Variants in EPHB2 observed in about 807,000 individuals in gnomAD.
EPHB2 encodes ephrin type-B receptor 2.
In EPHB2, 18 loss-of-function variants were observed where a neutral mutation model predicts 96.4. The ratio of observed to expected loss-of-function variants is 0.19; its 90% CI spans 0.13 to 0.28. The LOEUF is 0.28. Among genes scored for constraint, EPHB2 ranks in the 10% least tolerant of loss-of-function variants. EPHB2 has a pLI of 1.00. For missense variants in EPHB2, 989 were observed against 1,355.4 expected, an observed-to-expected ratio of 0.73 and a Z score of 4.25; for synonymous variants, 506 against 534.1, an observed-to-expected ratio of 0.95 and a Z score of 0.72.
At chr1:22,770,691 G>A (rs973597274) in intron 1 of EPHB2, among the ~76,000 whole-genome samples, 3 of 152,184 alleles carry the variant, frequency 2.0e-5, no homozygotes, top group African/African-American at 7.2e-5. Flanking sequence ...CTGTGTACTC[G>A]CTGTGTGATG....
At chr1:22,806,659 A>C (rs76603191) in intron 3 of EPHB2, among the ~76,000 whole-genome samples, 7,532 of 152,304 alleles carry the variant, frequency 0.049, 269 homozygotes, top group Non-Finnish European at 0.07. Flanking sequence ...GGCAGGTGTT[A>C]GCTGTGCCCT....
intron 3 of EPHB2, among the ~76,000 whole-genome samples, chr1:22,793,004 C>T (rs535521180): frequency 6.6e-6 from 1 of 152,212 alleles, no homozygotes; most frequent in East Asian, 1.9e-4. Flanking sequence ...AAGAGTTAGG[C>T]AGGTGAGGAG....
At chr1:22,738,897 G>T (rs1359872625) in intron 1 of EPHB2, among the ~76,000 whole-genome samples, 1 of 152,184 alleles carries the variant, frequency 6.6e-6, no homozygotes, top group Admixed American at 6.5e-5. Context: ...TGGACCTGCA[G>T]CCCTGGGTCC....
rs903621869 is a variant in EPHB2, at chr1:22,909,048, A to C, written c.2379A>C (p.Thr793=). The C allele has an allele frequency of 1.9e-6, 3 of 1,614,088 alleles. No individual in the cohort carries two copies. The highest frequency in any genetic ancestry group is 2.5e-6 in the Non-Finnish European group (3 of 1,180,036). ...GCGGAAAGATCCCCATCCGCTGGAC[A>C]GCCCCGGAAGCCATCCAGTACCGGA... The part of the protein sequence containing the change: ...ALGGKIPIRW[T]APEAIQYRKF... Residue 793 remains threonine (T), a synonymous_variant, in exon 13 of 16, where the codon ACA becomes ACC. Coordinates refer to ENST00000374630, the MANE Select transcript of EPHB2 (RefSeq NM_017449.5).
chr1:22,874,880 CAT>C (rs1299969405), intron 5 of EPHB2, among the ~76,000 whole-genome samples: 1 of 152,080 alleles, frequency 6.6e-6, no homozygotes, highest in Non-Finnish European at 1.5e-5. Flanking sequence ...TAAGAACTAT[CAT>C]GTGAGAAAAG....
chr1:22,747,907 A>C (rs1644000258), intron 1 of EPHB2, among the ~76,000 whole-genome samples: 1 of 152,202 alleles, frequency 6.6e-6, no homozygotes. Flanking sequence ...TGCCTCAGTT[A>C]CTTCATTCAG....
chr1:22,908,304 G>A (rs2124115233), intron 12 of EPHB2, 136 bp downstream of exon 12: 1 of 1,071,688 alleles, frequency 9.3e-7, no homozygotes, highest in Non-Finnish European at 1.4e-6. Context: ...CAGGAAGACA[G>A]GAACCACAGC....
chr1:22,756,363 C>A (rs1359084143), intron 1 of EPHB2, among the ~76,000 whole-genome samples: 1 of 152,002 alleles, frequency 6.6e-6, no homozygotes, highest in Non-Finnish European at 1.5e-5. Context: ...TGGGACGGTC[C>A]CCTGGGAGAA....
In EPHB2 at chr1:22,732,985, C is replaced by G. The variant is rs116430382; in HGVS notation, c.61+21942C>G. Among the ~76,000 whole-genome samples, 1,393 of 152,246 alleles carry G rather than the reference C, an allele frequency of 9.1e-3. 21 individuals are homozygous for G. The highest frequency in any genetic ancestry group is 0.031 in the African/African-American group (1,274 of 41,562). On this transcript the variant is annotated intron_variant, in intron 1 of 15. Coordinates refer to ENST00000374630, the MANE Select transcript of EPHB2 (RefSeq NM_017449.5). ...AGGATTTGCCCAAGTGGATTTTTTC[C>G]TGAGTTTTAATCCAGGACTGTCCAG...
chr1:22,750,330 A>T (rs1459300834), intron 1 of EPHB2, among the ~76,000 whole-genome samples: 2 of 152,128 alleles, frequency 1.3e-5, no homozygotes, highest in Non-Finnish European at 2.9e-5. Context: ...ATGGGCTGGG[A>T]TGGGTGCTGA....
intron 3 of EPHB2, among the ~76,000 whole-genome samples, chr1:22,793,315 G>A (rs967937848): frequency 1.2e-4 from 19 of 152,138 alleles, no homozygotes; most frequent in African/African-American, 3.4e-4. Context: ...CCTCCGTACC[G>A]TCCCTCGGGC....
intron 3 of EPHB2, among the ~76,000 whole-genome samples, chr1:22,859,299 G>GCC: frequency 2.8e-5 from 4 of 144,456 alleles, no homozygotes; most frequent in African/African-American, 1.0e-4. Context: ...GGGCCTGGTG[G>GCC]GGGGGGGGGT....
At position 22,909,070 on chromosome 1, in the gene EPHB2, C is replaced by A. The variant is rs2124119648; in HGVS notation, c.2401C>A (p.Arg801=). 6.2e-7 allele frequency: 1 copy of A among 1,614,194 alleles called. No individual in the cohort carries two copies. The highest frequency in any genetic ancestry group is 8.5e-7 in the Non-Finnish European group (1 of 1,180,044). The part of the protein sequence containing the change: ...RWTAPEAIQY[R]KFTSASDVWS... ...GACAGCCCCGGAAGCCATCCAGTAC[C>A]GGAAGTTCACCTCGGCCAGTGATGT... is the stretch of plus-strand genomic sequence containing the variant. The change falls in exon 13 of 16, where the codon CGG becomes AGG. Residue 801 remains arginine (R), a synonymous_variant. Coordinates refer to ENST00000374630, the MANE Select transcript of EPHB2 (RefSeq NM_017449.5).
chr1:22,826,447 T>C (rs1422302877), intron 3 of EPHB2, among the ~76,000 whole-genome samples: 1 of 152,202 alleles, frequency 6.6e-6, no homozygotes, highest in Non-Finnish European at 1.5e-5. Context: ...GATGTTTAGA[T>C]TTGGATGCTG....
chr1:22,876,811 C>A (rs77971247), intron 5 of EPHB2, among the ~76,000 whole-genome samples: 2,999 of 152,330 alleles, frequency 0.02, 80 homozygotes, highest in African/African-American at 0.064. Flanking sequence ...AAAGGCTAGC[C>A]CTGCTGGCCC....
At chr1:22,896,210 G>T (rs1392865966) in intron 8 of EPHB2, among the ~76,000 whole-genome samples, 1 of 152,300 alleles carries the variant, frequency 6.6e-6, no homozygotes, top group East Asian at 1.9e-4. Context: ...TTGGCTGGAG[G>T]GGGAGGAACT....
chr1:22,760,668 G>A (rs569971286), intron 1 of EPHB2, among the ~76,000 whole-genome samples: 8 of 152,252 alleles, frequency 5.3e-5, no homozygotes, highest in African/African-American at 1.4e-4. Flanking sequence ...AGATGAGACC[G>A]CAGAGGCTGG....
chr1:22,760,978 A>G (rs764266338), intron 1 of EPHB2, among the ~76,000 whole-genome samples: 14 of 152,150 alleles, frequency 9.2e-5, no homozygotes, highest in East Asian at 3.9e-4. Context: ...GCCCATCCCA[A>G]TGTTGAGCCA....
chr1:22,728,270 G>A (rs1180158103), intron 1 of EPHB2, among the ~76,000 whole-genome samples: 1 of 152,206 alleles, frequency 6.6e-6, no homozygotes, highest in Non-Finnish European at 1.5e-5. Context: ...TGATTTACGG[G>A]TTCCTCACAA....
Sources: gnomAD v4.1 joint callset for allele counts (sites outside exome capture counted in the v4.1 genomes callset) on GRCh38, gnomAD v4.1.1 for gene constraint, MANE v1.5 for transcripts, NCBI Gene and HGNC (gene_info 2026-07-23, HGNC 2026-07-21) for gene names.